Variants in UBR3 observed in about 807,000 individuals in gnomAD.
UBR3 encodes the protein ubiquitin protein ligase E3 component n-recognin 3, also known as E3 ubiquitin-protein ligase UBR3.
UBR3 carries 85 observed loss-of-function variants against 243.2 expected under a neutral mutation model. The ratio of observed to expected loss-of-function variants is 0.35; its 90% CI spans 0.29 to 0.42. The LOEUF is 0.42. UBR3 is among the 10% of genes least tolerant of loss of function. The pLI is 1.00. For missense variants in UBR3, 1,686 were observed against 2,300.8 expected (o/e 0.73, Z 5.47); for synonymous variants, 748 against 799.8 (o/e 0.94, Z 1.09).
At chr2:169,945,159 G>A (rs1240071343) in intron 20 of UBR3, among the ~76,000 whole-genome samples, 3 of 149,312 alleles carry the variant, frequency 2.0e-5, no homozygotes, top group African/African-American at 4.9e-5. Flanking sequence ...TTTTTTTTTG[G>A]TTGGGGATGG....
intron 31 of UBR3, among the ~76,000 whole-genome samples, chr2:170,039,248 G>A (rs2090906023): frequency 6.6e-6 from 1 of 152,162 alleles, no homozygotes; most frequent in African/African-American, 2.4e-5. Flanking sequence ...ATGTTCAGCT[G>A]TATCTAAAGT....
chr2:169,925,568 G>A (rs2085879706), intron 13 of UBR3, 51 bp from the exon 14 acceptor site: 3 of 1,458,744 alleles, frequency 2.1e-6, no homozygotes, highest in African/African-American at 2.8e-5. Context: ...ATAATATTTT[G>A]TAAAGATTGC....
intron 5 of UBR3, among the ~76,000 whole-genome samples, chr2:169,890,542 T>TAGATAGATAGATAG (rs200566939): frequency 1.9e-4 from 12 of 62,094 alleles, no homozygotes; most frequent in South Asian, 6.4e-4. Context: ...GAGAGAGAGA[T>TAGATAGATAGATAG]ATATATATAT....
chr2:169,874,934 C>T lies in UBR3; in HGVS notation c.686-857C>T, dbSNP rs185995959. On this transcript the variant is annotated intron_variant, in intron 2 of 38. Transcript: ENST00000272793. ...TATTCATTTCCTTCCTTTTAGACCT[C>T]GGCTTCTGTAAAACCTCTCTATATT... Among the ~76,000 whole-genome samples the T allele has an allele frequency of 2.0e-3, 311 of 152,178 alleles. 1 individual carries two copies. The highest frequency in any genetic ancestry group is 6.3e-3 in the African/African-American group (261 of 41,542).
At chr2:169,866,322 T>C (rs924462878) in intron 1 of UBR3, among the ~76,000 whole-genome samples, 5 of 151,186 alleles carry the variant, frequency 3.3e-5, no homozygotes, top group Non-Finnish European at 4.4e-5. Context: ...TACTTGATTT[T>C]ATTTAGATAT....
intron 5 of UBR3, among the ~76,000 whole-genome samples, chr2:169,890,553 A>ATATATATGTG (rs2084309274): frequency 2.1e-5 from 2 of 96,414 alleles, no homozygotes; most frequent in African/African-American, 1.1e-4. Flanking sequence ...ATATATATAT[A>ATATATATGTG]TATATATATA....
At chr2:170,032,896 T>C (rs1263122980) in intron 31 of UBR3, among the ~76,000 whole-genome samples, 2 of 152,046 alleles carry the variant, frequency 1.3e-5, no homozygotes, top group African/African-American at 4.8e-5. Context: ...TTTGAGACTA[T>C]GTATGTATCT....
chr2:169,833,220 A>G (rs1165118970), intron 1 of UBR3, among the ~76,000 whole-genome samples: 1 of 152,208 alleles, frequency 6.6e-6, no homozygotes, highest in Non-Finnish European at 1.5e-5. Context: ...GTGTTGTTCA[A>G]GGGTCAACTG....
At chr2:170,074,666 A>G (rs145603700) in intron 36 of UBR3, among the ~76,000 whole-genome samples, 175 of 152,314 alleles carry the variant, frequency 1.1e-3, no homozygotes, top group Middle Eastern at 3.4e-3. Flanking sequence ...TTTGCTAAGT[A>G]ACATTTACCT....
chr2:170,075,860 C>T (rs1467675221), intron 36 of UBR3, among the ~76,000 whole-genome samples: 1 of 143,460 alleles, frequency 7.0e-6, no homozygotes, highest in African/African-American at 2.6e-5. Flanking sequence ...TGTTTGGGAA[C>T]AACAAAATCC....
At chr2:169,842,255 A>G (rs999177149) in intron 1 of UBR3, among the ~76,000 whole-genome samples, 1 of 151,996 alleles carries the variant, frequency 6.6e-6, no homozygotes, top group Non-Finnish European at 1.5e-5. Context: ...GGGGCCTTGG[A>G]GAACCTGTGT....
chr2:170,000,343 CG>C (rs1373919517), intron 26 of UBR3, among the ~76,000 whole-genome samples: 1 of 152,062 alleles, frequency 6.6e-6, no homozygotes, highest in Admixed American at 6.5e-5. Context: ...GTTAAGGAGA[CG>C]AGTTAAGAAA....
chr2:169,949,817 A>G lies in UBR3; in HGVS notation c.3297A>G (p.Lys1099=). 2 of 1,556,108 alleles carry G rather than the reference A, an allele frequency of 1.3e-6. No homozygotes were observed. Among genetic ancestry groups the G allele is most frequent in the Non-Finnish European group, 1.7e-6 (2 of 1,148,846 alleles). Residue 1099 remains lysine, a synonymous_variant, in exon 23 of 39, where the codon AAA becomes AAG. Coordinates refer to ENST00000272793, the MANE Select transcript of UBR3 (RefSeq NM_172070.4). ...ILSLLIKLHH[K]LSGKQNSYYP... The stretch of plus-strand genomic sequence containing the variant: ...CTTTGCTAATTAAACTTCACCACAA[A>G]CTCTCAGGAAAACAAAACTCCTACT...
chr2:169,841,911 G>A (rs899053709), intron 1 of UBR3, among the ~76,000 whole-genome samples: 6 of 152,244 alleles, frequency 3.9e-5, no homozygotes, highest in Admixed American at 6.5e-5. Context: ...AAGGGCTGAG[G>A]AATGCGAGCG....
intron 35 of UBR3, among the ~76,000 whole-genome samples, chr2:170,072,242 A>T (rs1284377720): frequency 6.6e-6 from 1 of 152,246 alleles, no homozygotes; most frequent in Non-Finnish European, 1.5e-5. Flanking sequence ...CTATGCAGCC[A>T]TAAAAAAGGA....
chr2:170,037,230 A>G (rs2090855347), intron 31 of UBR3, among the ~76,000 whole-genome samples: 1 of 152,048 alleles, frequency 6.6e-6, no homozygotes, highest in Non-Finnish European at 1.5e-5. Context: ...TGACAATACC[A>G]TGATGGTTTA....
intron 8 of UBR3, among the ~76,000 whole-genome samples, chr2:169,902,979 C>T (rs1001254177): frequency 1.3e-5 from 2 of 152,136 alleles, no homozygotes; most frequent in African/African-American, 2.4e-5. Flanking sequence ...CCATTGCAGC[C>T]CTTATCACAT....
chr2:170,002,006 C>T lies in UBR3; in HGVS notation c.4029+592C>T, dbSNP rs1223231398. ...TGGCTGCACTTTAGACTTTGCTACT[C>T]TCTCTGAAATATTAAGCTTTAATAT... On this transcript the variant is annotated intron_variant, in intron 27 of 38. Coordinates refer to ENST00000272793, the MANE Select transcript of UBR3 (RefSeq NM_172070.4). Among the ~76,000 whole-genome samples the T allele has an allele frequency of 3.3e-5, 5 of 149,298 alleles. 1 individual carries two copies. Among genetic ancestry groups the T allele is most frequent in the African/African-American group, 1.2e-4 (5 of 40,502 alleles).
At chr2:170,028,025 A>G (rs1374424968) in intron 30 of UBR3, among the ~76,000 whole-genome samples, 4 of 151,978 alleles carry the variant, frequency 2.6e-5, no homozygotes, top group African/African-American at 9.7e-5. Flanking sequence ...GTAATAAGTA[A>G]CTAAGTCAGT....
Sources: gnomAD v4.1 joint callset for allele counts (sites outside exome capture counted in the v4.1 genomes callset) on GRCh38, gnomAD v4.1.1 for gene constraint, MANE v1.5 for transcripts, NCBI Gene and HGNC (gene_info 2026-07-23, HGNC 2026-07-21) for gene names.